The following ARAP2 variants were observed in gnomAD, a reference collection of about 807,000 sequenced individuals.
The protein encoded by ARAP2 is arf-GAP with Rho-GAP domain, ANK repeat and PH domain-containing protein 2.
In ARAP2, 148 loss-of-function variants were observed where a neutral mutation model predicts 194.5. The observed-to-expected ratio is 0.76, with a 90% CI of 0.67 to 0.87. The LOEUF is 0.87. Among genes scored for constraint, ARAP2 ranks in the 40% least tolerant of loss-of-function variants. The pLI is 0.00. For synonymous variants in ARAP2, 695 were observed against 683.5 expected (o/e 1.02, Z -0.26); for missense variants, 2,128 against 1,989.7 (o/e 1.07, Z -1.32).
intron 27 of ARAP2, among the ~76,000 whole-genome samples, chr4:36,107,142 T>C (rs1718620986): frequency 6.6e-6 from 1 of 151,944 alleles, no homozygotes; most frequent in Non-Finnish European, 1.5e-5. Context: ...TTTTCCAACT[T>C]CATCACAAAA....
At position 36,133,268 on chromosome 4, in the gene ARAP2, G is replaced by A. The variant is rs777915480; in HGVS notation, c.3385C>T (p.Pro1129Ser). The A allele has an allele frequency of 3.1e-6, 5 of 1,611,136 alleles. No homozygotes were observed. The South Asian group carries it at 4.4e-5, about 14-fold the overall frequency. Residue 1129 changes from proline to serine, a missense_variant, in exon 20 of 33, where the codon CCC becomes TCC. Transcript: ENST00000303965. ...GCTATACAGCTGTTCACTATAATGGGAACGTCATTTTTGCTGAGCTGCTGA... is the reference window on the plus strand; with the variant it reads ...GCTATACAGCTGTTCACTATAATGGAAACGTCATTTTTGCTGAGCTGCTGA... ...QDQQLSKNDV[P>S]IIVNSCIAFV... is the part of the protein sequence containing the mutation.
At chr4:36,141,715 T>C (rs1728367896) in intron 19 of ARAP2, among the ~76,000 whole-genome samples, 1 of 151,752 alleles carries the variant, frequency 6.6e-6, no homozygotes, top group Non-Finnish European at 1.5e-5. Flanking sequence ...ATGTATGATT[T>C]ACATTTCTGG....
At chr4:36,009,905 A>C (rs1714136301) in intron 9 of ARAP2, among the ~76,000 whole-genome samples, 1 of 150,498 alleles carries the variant, frequency 6.6e-6, no homozygotes. Flanking sequence ...GGGTGGAATC[A>C]TCAGTGGAAA....
rs60560512 is a variant in ARAP2, at chr4:36,100,434, T to C, written c.4285+7131A>G. 5.6e-3 allele frequency among the ~76,000 whole-genome samples: 859 copies of C among 152,178 alleles called. 9 individuals carry two copies. The highest frequency in any genetic ancestry group is 0.02 in the African/African-American group (811 of 41,562). The stretch of plus-strand genomic sequence containing the variant: ...TTTGTTCCAAGTTCTACCTGTCCCA[T>C]GTACTCTAAGTGATGAAGGGCACAA... On this transcript the variant is annotated intron_variant, in intron 27 of 32. Coordinates refer to ENST00000303965, the MANE Select transcript of ARAP2 (RefSeq NM_015230.4).
chr4:36,212,543 G>A, intron 4 of ARAP2, 56 bp from the exon 5 acceptor site: 1 of 1,298,676 alleles, frequency 7.7e-7, no homozygotes, highest in Admixed American at 1.8e-5. Context: ...TTGGTTTGGG[G>A]ATTTGTTTGT....
At chr4:36,173,437 G>A (rs933230505) in intron 9 of ARAP2, among the ~76,000 whole-genome samples, 2 of 151,882 alleles carry the variant, frequency 1.3e-5, no homozygotes, top group African/African-American at 4.8e-5. Flanking sequence ...TCCAGAATAC[G>A]GAAGCTCTAT....
intron 5 of ARAP2, among the ~76,000 whole-genome samples, chr4:36,025,272 G>A (rs1717708028): frequency 6.6e-6 from 1 of 152,148 alleles, no homozygotes; most frequent in South Asian, 2.1e-4. Context: ...AAGTGAGGAT[G>A]AGCACCCACC....
intron 4 of ARAP2, 50 bp from the exon 5 acceptor site, chr4:36,212,537 T>A (rs1283695986): frequency 7.3e-7 from 1 of 1,368,604 alleles, no homozygotes; most frequent in South Asian, 1.2e-5. Flanking sequence ...TGCTTTTTGG[T>A]TTGGGGATTT....
rs1301697493 is a variant in ARAP2, at chr4:36,066,594, A to C, written c.*1313T>G. The C allele has an allele frequency of 6.6e-6, 1 of 152,086 alleles. No individual in the cohort carries two copies. Among genetic ancestry groups the C allele is most frequent in the Non-Finnish European group, 1.5e-5 (1 of 68,016 alleles). The allele number at this position is 152,086 out of a possible 1,614,324, so 9.4% of individuals were successfully genotyped here. A position where few individuals can be genotyped will look rare whatever the true frequency, so the allele number is the denominator to read the frequency against. The stretch of plus-strand genomic sequence containing the variant: ...CTAAAAAAAAAAAACTTAGCTACAT[A>C]ATGTTTAATATCAAAACTCACCAGA... On this transcript the variant is annotated 3_prime_UTR_variant, in exon 33 of 33. Coordinates refer to ENST00000303965, the MANE Select transcript of ARAP2 (RefSeq NM_015230.4).
chr4:36,010,026 A>G (rs534036994), intron 9 of ARAP2, among the ~76,000 whole-genome samples: 23 of 152,076 alleles, frequency 1.5e-4, no homozygotes, highest in African/African-American at 5.1e-4. Flanking sequence ...CCTCAGTTGT[A>G]TACTGTACTC....
intron 31 of ARAP2, among the ~76,000 whole-genome samples, chr4:36,079,289 T>C (rs992183988): frequency 1.3e-5 from 2 of 151,322 alleles, no homozygotes; most frequent in African/African-American, 2.4e-5. Context: ...TTTTTCCAGG[T>C]AGTAATGGTA....
rs200967274 is a variant in ARAP2, at chr4:36,161,481, C to T, written c.2243G>A (p.Ser748Asn). 2.9e-5 allele frequency: 46 copies of T among 1,613,808 alleles called. No homozygotes were observed. The highest frequency in any genetic ancestry group is 3.6e-5 in the Non-Finnish European group (42 of 1,179,888). ...AGGACTCACCTCGATGAGTTCATTG[C>T]TCCAAATGCTAGCATCCATTTTTAG... Reference protein sequence around the residue: ...RSLKMDASIWSNELIELFIVI... With the variant: ...RSLKMDASIWNNELIELFIVI... The change falls in exon 12 of 33, where the codon AGC (serine) becomes AAC (asparagine). Residue 748 changes from serine to asparagine, a missense_variant. Transcript: ENST00000303965.
chr4:36,026,356 T>C (rs1436007224), intron 5 of ARAP2, among the ~76,000 whole-genome samples: 1 of 152,230 alleles, frequency 6.6e-6, no homozygotes, highest in East Asian at 1.9e-4. Flanking sequence ...CTCATGCTAT[T>C]GGCAGGGATG....
At chr4:36,139,590 T>G (rs1015718714) in intron 19 of ARAP2, among the ~76,000 whole-genome samples, 1 of 151,660 alleles carries the variant, frequency 6.6e-6, no homozygotes, top group African/African-American at 2.4e-5. Context: ...TTGCTCTTTT[T>G]TAGATTTTTA....
intron 1 of ARAP2, among the ~76,000 whole-genome samples, chr4:36,242,024 T>C (rs1452052483): frequency 6.6e-6 from 1 of 152,246 alleles, no homozygotes; most frequent in Non-Finnish European, 1.5e-5. Context: ...CATTAAGTAC[T>C]GCTTCATTTA....
At chr4:36,099,035 G>A (rs1262190799) in intron 27 of ARAP2, among the ~76,000 whole-genome samples, 2 of 151,766 alleles carry the variant, frequency 1.3e-5, no homozygotes, top group Non-Finnish European at 2.9e-5. Flanking sequence ...TTCCTGATGT[G>A]TTCCCTCCCC....
At chr4:36,011,786 G>A (rs1374663507) in intron 9 of ARAP2, among the ~76,000 whole-genome samples, 1 of 152,124 alleles carries the variant, frequency 6.6e-6, no homozygotes, top group Non-Finnish European at 1.5e-5. Flanking sequence ...TTAAAAGGTT[G>A]TAAACACAGC....
At position 36,016,856 on chromosome 4, in the gene ARAP2, T is replaced by G. The variant is rs188138730; in HGVS notation, n.751-898A>C. Among the ~76,000 whole-genome samples the G allele has an allele frequency of 1.8e-4, 27 of 152,310 alleles. No individual in the cohort carries two copies. The East Asian group carries it at 5.0e-3, about 28-fold the overall frequency. On this transcript the variant is annotated intron_variant and non_coding_transcript_variant, in intron 6 of 12. Coordinates refer to the ARAP2 transcript ENST00000503225. Reference sequence around the variant, plus strand: ...TTTGAGAGACCTCTGTCTGTCACCCTTATTCAATGAAAAACTTTCAGGTGG... The same window carrying G: ...TTTGAGAGACCTCTGTCTGTCACCCGTATTCAATGAAAAACTTTCAGGTGG...
At chr4:36,166,888 T>A (rs771516344) in intron 10 of ARAP2, 44 bp downstream of exon 10, 3 of 1,256,844 alleles carry the variant, frequency 2.4e-6, no homozygotes, top group Non-Finnish European at 3.3e-6. Flanking sequence ...TCACCCAAGC[T>A]TTCCTATAGT....
Sources: gnomAD v4.1 joint callset for allele counts (sites outside exome capture counted in the v4.1 genomes callset) on GRCh38, gnomAD v4.1.1 for gene constraint, MANE v1.5 for transcripts, NCBI Gene and HGNC (gene_info 2026-07-23, HGNC 2026-07-21) for gene names.